The following EPHB1 variants were observed in gnomAD, a reference collection of about 807,000 sequenced individuals.
EPHB1 encodes the protein ephrin type-B receptor 1.
EPHB1 carries 30 observed loss-of-function variants against 94.4 expected under a neutral mutation model. The observed-to-expected ratio is 0.32, with a 90% CI of 0.24 to 0.43. The LOEUF is 0.43. Among genes scored for constraint, EPHB1 ranks in the 20% least tolerant of loss-of-function variants. The pLI is 1.00. For missense variants in EPHB1, 1,055 were observed against 1,308.3 expected (o/e 0.81, Z 2.99); for synonymous variants, 522 against 489.1 (o/e 1.07, Z -0.89).
intron 1 of EPHB1, chr3:134,823,989 G>A (rs776794418): frequency 1.3e-5 from 2 of 152,136 alleles, no homozygotes; most frequent in Admixed American, 6.5e-5. Context: ...GCTGCACAAA[G>A]GGAAGCACAC....
At chr3:134,811,800 C>G (rs534706161) in intron 1 of EPHB1, among the ~76,000 whole-genome samples, 1 of 152,362 alleles carries the variant, frequency 6.6e-6, no homozygotes, top group East Asian at 1.9e-4. Flanking sequence ...TTTGCACCAT[C>G]TATCTTTTCC....
intron 12 of EPHB1, among the ~76,000 whole-genome samples, chr3:135,232,571 G>A (rs1041728437): frequency 2.0e-5 from 3 of 152,192 alleles, no homozygotes; most frequent in Admixed American, 6.5e-5. Context: ...TTTCCTTTGG[G>A]CCACAGATAT....
chr3:134,863,595 T>C (rs997659569), intron 1 of EPHB1, among the ~76,000 whole-genome samples: 3 of 152,254 alleles, frequency 2.0e-5, no homozygotes, highest in African/African-American at 7.2e-5. Context: ...TCTTTTACTA[T>C]ACTTGGTTTG....
intron 3 of EPHB1, among the ~76,000 whole-genome samples, chr3:135,001,319 T>G (rs1336331420): frequency 1.3e-5 from 2 of 152,108 alleles, no homozygotes; most frequent in Non-Finnish European, 2.9e-5. Context: ...TTGCTAACAG[T>G]GAGCTCTGTG....
chr3:135,172,100 G>C (rs73220264), intron 9 of EPHB1, among the ~76,000 whole-genome samples: 1 of 152,154 alleles, frequency 6.6e-6, no homozygotes. Context: ...ATCCCATTTC[G>C]AGAAGGACAT....
chr3:135,195,708 C>T (rs1465052847), intron 11 of EPHB1, among the ~76,000 whole-genome samples: 1 of 109,378 alleles, frequency 9.1e-6, no homozygotes, highest in Non-Finnish European at 1.8e-5. Flanking sequence ...TGTATATGTG[C>T]CACATTTTCT....
chr3:134,927,696 C>A (rs1050436027), intron 2 of EPHB1, among the ~76,000 whole-genome samples: 2 of 152,230 alleles, frequency 1.3e-5, no homozygotes, highest in Non-Finnish European at 2.9e-5. Flanking sequence ...AAGGAAGATT[C>A]TCCTTGAGGG....
chr3:135,095,568 T>G (rs1190958590), intron 3 of EPHB1, among the ~76,000 whole-genome samples: 1 of 152,122 alleles, frequency 6.6e-6, no homozygotes, highest in African/African-American at 2.4e-5. Context: ...TTCAAGCCTA[T>G]CAAGTGGCTT....
chr3:135,107,749 G>C (rs1161741493), intron 4 of EPHB1, among the ~76,000 whole-genome samples: 2 of 152,160 alleles, frequency 1.3e-5, no homozygotes, highest in Non-Finnish European at 2.9e-5. Flanking sequence ...GAGGGGGAAT[G>C]AAAGTACCTT....
intron 1 of EPHB1, among the ~76,000 whole-genome samples, chr3:134,852,197 T>A (rs1273008226): frequency 6.6e-6 from 1 of 151,932 alleles, no homozygotes; most frequent in East Asian, 1.9e-4. Flanking sequence ...TCTGCCTCAA[T>A]GTCCCCTCCT....
intron 3 of EPHB1, among the ~76,000 whole-genome samples, chr3:134,965,539 G>A (rs1041532407): frequency 2.6e-5 from 4 of 152,260 alleles, no homozygotes; most frequent in African/African-American, 9.6e-5. Flanking sequence ...TACTCCTCCC[G>A]CCTGGGTGAC....
chr3:134,827,246 G>C (rs975398938), intron 1 of EPHB1, among the ~76,000 whole-genome samples: 2 of 152,206 alleles, frequency 1.3e-5, no homozygotes, highest in African/African-American at 2.4e-5. Context: ...ATCTGGCCAG[G>C]TTTCTCTAAC....
chr3:135,207,846 A>T (rs1323109602), intron 12 of EPHB1, among the ~76,000 whole-genome samples: 1 of 152,182 alleles, frequency 6.6e-6, no homozygotes, highest in Non-Finnish European at 1.5e-5. Context: ...ATGTCCTCAG[A>T]TGCCTTTTGT....
At chr3:135,229,668 C>G (rs1222373440) in intron 12 of EPHB1, among the ~76,000 whole-genome samples, 2 of 152,174 alleles carry the variant, frequency 1.3e-5, no homozygotes, top group Non-Finnish European at 2.9e-5. Context: ...GTACAGAGGT[C>G]TCCAAGTTGG....
intron 1 of EPHB1, chr3:134,841,592 GACTCTTTGGAGTGAACACCCTCTC>G (rs1425514033): frequency 3.3e-5 from 5 of 152,172 alleles, no homozygotes; most frequent in Non-Finnish European, 7.4e-5. Flanking sequence ...TTTAAAAGCT[GACTCTTTGGAGTGAACACCCTCTC>G]ACTCAAAAGA....
At chr3:134,958,003 C>T (rs1933347612) in intron 3 of EPHB1, among the ~76,000 whole-genome samples, 1 of 152,166 alleles carries the variant, frequency 6.6e-6, no homozygotes, top group Non-Finnish European at 1.5e-5. Context: ...GGTGATCCCA[C>T]CAGCACTGCC....
At chr3:134,828,746 G>A (rs1035154250) in intron 1 of EPHB1, among the ~76,000 whole-genome samples, 1 of 152,200 alleles carries the variant, frequency 6.6e-6, no homozygotes, top group African/African-American at 2.4e-5. Context: ...GGGTCTAATG[G>A]TGCTTCCTGG....
chr3:135,054,415 A>G (rs1937288412), intron 3 of EPHB1, among the ~76,000 whole-genome samples: 1 of 152,166 alleles, frequency 6.6e-6, no homozygotes, highest in African/African-American at 2.4e-5. Context: ...TTCAGGAGAT[A>G]TATATATCAA....
At chr3:135,115,211 A>G (rs1219153846) in intron 4 of EPHB1, among the ~76,000 whole-genome samples, 2 of 152,074 alleles carry the variant, frequency 1.3e-5, no homozygotes, top group Non-Finnish European at 2.9e-5. Context: ...TGTCCTCTCC[A>G]TGACTTTAGG....
Sources: allele counts gnomAD v4.1 joint callset (sites outside exome capture counted in the v4.1 genomes callset), GRCh38; gene constraint gnomAD v4.1.1; transcripts MANE v1.5; gene names NCBI Gene and HGNC (gene_info 2026-07-23, HGNC 2026-07-21).